Variants in OR1J2 observed in about 807,000 individuals in gnomAD.
OR1J2 encodes the protein olfactory receptor family 1 subfamily J member 2.
For missense variants in OR1J2, 304 were observed against 246.1 expected (o/e 1.24, Z -1.57); for synonymous variants, 142 against 99.7 (o/e 1.42, Z -2.52).
At chr9:122,561,638 T>A in the OR1J2 span, among the ~76,000 whole-genome samples, 2 of 152,200 alleles carry the variant, frequency 1.3e-5, no homozygotes, top group Admixed American at 1.3e-4. Flanking sequence ...CAGGCCTTAT[T>A]CATCTGGTTC....
the OR1J2 span, among the ~76,000 whole-genome samples, chr9:122,559,234 C>T: frequency 6.6e-6 from 1 of 152,042 alleles, no homozygotes; most frequent in Admixed American, 6.6e-5. Flanking sequence ...GTAGTAACCA[C>T]TATTTTACTC....
the OR1J2 span, among the ~76,000 whole-genome samples, chr9:122,464,390 T>A: frequency 6.6e-6 from 1 of 152,178 alleles, no homozygotes; most frequent in Admixed American, 6.5e-5. Flanking sequence ...TCCAAGCCTC[T>A]CAGCTGAGAA....
chr9:122,575,480 GGT>G, the OR1J2 span, among the ~76,000 whole-genome samples: 46 of 152,008 alleles, frequency 3.0e-4, no homozygotes, highest in East Asian at 8.1e-3. Context: ...CAAATTTGTG[GGT>G]ACAGAGTTGT....
the OR1J2 span, among the ~76,000 whole-genome samples, chr9:122,469,461 T>C: frequency 6.6e-6 from 1 of 152,198 alleles, no homozygotes; most frequent in Admixed American, 6.5e-5. Context: ...TCCCCAGTCA[T>C]GGGGAACTGT....
Position 122,510,965 on chromosome 9 carries a change from T to G in OR1J2, c.164T>G (p.Leu55Arg). The change falls in exon 1 of 1, where the codon CTT becomes CGT. Residue 55 changes from leucine (L) to arginine (R), a missense_variant. By Grantham distance (102) the Leu-to-Arg change is moderately radical (BLOSUM62 -2). Coordinates refer to ENST00000335302, the MANE Select transcript of OR1J2 (RefSeq NM_054107.1). ...IMLLIQLDSH[L>R]HTPMYFFLSH... ...CTGCTCATCCAGCTGGACTCTCACC[T>G]TCACACCCCCATGTACTTCTTCCTC... is the stretch of plus-strand genomic sequence containing the variant. The G allele has an allele frequency of 5.0e-6, 8 of 1,612,458 alleles. No homozygotes were observed. Among genetic ancestry groups the G allele is most frequent in the Non-Finnish European group, 6.8e-6 (8 of 1,178,490 alleles).
At chr9:122,461,747 A>G in the OR1J2 span, among the ~76,000 whole-genome samples, 1 of 152,028 alleles carries the variant, frequency 6.6e-6, no homozygotes, top group Admixed American at 6.6e-5. Flanking sequence ...TTTGGAGTTG[A>G]TTTCCAATTT....
At chr9:122,478,956 C>A in the OR1J2 span, among the ~76,000 whole-genome samples, 12 of 152,052 alleles carry the variant, frequency 7.9e-5, no homozygotes, top group Middle Eastern at 3.2e-3. Flanking sequence ...TCTCGAACTC[C>A]TGACCTCATG....
chr9:122,502,764 G>A, the OR1J2 span, among the ~76,000 whole-genome samples: 1 of 150,960 alleles, frequency 6.6e-6, no homozygotes, highest in African/African-American at 2.4e-5. Context: ...AATCTTTACT[G>A]TGTTTCCTGG....
chr9:122,535,924 G>A, the OR1J2 span, among the ~76,000 whole-genome samples: 40 of 152,256 alleles, frequency 2.6e-4, no homozygotes, highest in South Asian at 6.2e-4. Context: ...GTTCTCTGGC[G>A]GGCAGGAGTG....
the OR1J2 span, chr9:122,567,553 A>C: frequency 7.1e-5 from 111 of 1,570,304 alleles, 2 homozygotes; most frequent in African/African-American, 1.2e-3. Flanking sequence ...GCTTCCTAGG[A>C]TCTCTTGCTC....
chr9:122,560,363 C>T, the OR1J2 span, among the ~76,000 whole-genome samples: 15 of 152,138 alleles, frequency 9.9e-5, no homozygotes, highest in African/African-American at 3.1e-4. Flanking sequence ...GAATTTGATC[C>T]TGTCATCATG....
the OR1J2 span, among the ~76,000 whole-genome samples, chr9:122,488,466 A>T: frequency 6.6e-6 from 1 of 152,066 alleles, no homozygotes; most frequent in Non-Finnish European, 1.5e-5. Context: ...TCCCACATTC[A>T]ATTTGGAACT....
At chr9:122,527,409 T>G in the OR1J2 span, 2 of 628,598 alleles carry the variant, frequency 3.2e-6, no homozygotes, top group African/African-American at 3.7e-5. Flanking sequence ...AATCCTGACT[T>G]TATCTTCATT....
At chr9:122,464,828 G>A in the OR1J2 span, among the ~76,000 whole-genome samples, 1 of 152,174 alleles carries the variant, frequency 6.6e-6, no homozygotes, top group Non-Finnish European at 1.5e-5. Context: ...ATTGGGTTAA[G>A]ATGCCTTGCA....
At chr9:122,565,602 A>G in the OR1J2 span, among the ~76,000 whole-genome samples, 1 of 152,192 alleles carries the variant, frequency 6.6e-6, no homozygotes, top group African/African-American at 2.4e-5. Flanking sequence ...TGATTAGCCA[A>G]TTACTTGGTG....
the OR1J2 span, chr9:122,572,914 T>C: frequency 6.9e-4 from 105 of 152,350 alleles, 2 homozygotes; most frequent in African/African-American, 2.5e-3. Context: ...CTGGACTAAT[T>C]AGCAAGGAGG....
At chr9:122,520,055 C>G in the OR1J2 span, 1 of 1,613,020 alleles carries the variant, frequency 6.2e-7, no homozygotes, top group South Asian at 1.1e-5. Flanking sequence ...AGAGACTCTT[C>G]AACAGGGCAA....
chr9:122,536,064 A>C, the OR1J2 span, among the ~76,000 whole-genome samples: 1 of 152,184 alleles, frequency 6.6e-6, no homozygotes, highest in African/African-American at 2.4e-5. Flanking sequence ...GAATGTCATC[A>C]GTTAAGGCAG....
At chr9:122,520,554 A>C in the OR1J2 span, among the ~76,000 whole-genome samples, 83 of 152,344 alleles carry the variant, frequency 5.4e-4, 1 homozygote, top group South Asian at 1.0e-3. Context: ...ATTCACTGTC[A>C]TAAGTTCAGC....
Sources: allele counts gnomAD v4.1 joint callset (sites outside exome capture counted in the v4.1 genomes callset), GRCh38; gene constraint gnomAD v4.1.1; transcripts MANE v1.5; gene names NCBI Gene and HGNC (gene_info 2026-07-23, HGNC 2026-07-21).